KIAA1958: variants seen among roughly 807,000 people sequenced by gnomAD.
KIAA1958 encodes KIAA1958.
In KIAA1958, 14 loss-of-function variants were observed where a neutral mutation model predicts 47.2. The ratio of observed to expected loss-of-function variants is 0.30; its 90% CI spans 0.20 to 0.46. KIAA1958 has a LOEUF of 0.46. Among genes scored for constraint, KIAA1958 ranks in the 20% least tolerant of loss-of-function variants. The pLI is 1.00. For synonymous variants in KIAA1958, 354 were observed against 353.3 expected (o/e 1.00, Z -0.02); for missense variants, 803 against 909.2 (o/e 0.88, Z 1.50).
intron 1 of KIAA1958, among the ~76,000 whole-genome samples, chr9:112,562,238 C>CTTAT (rs1353914926): frequency 6.6e-6 from 1 of 152,150 alleles, no homozygotes; most frequent in Non-Finnish European, 1.5e-5. Context: ...ATTTTTTTCA[C>CTTAT]ATTTTATAGA....
chr9:112,488,395 A>G (rs1833907226), intron 1 of KIAA1958, among the ~76,000 whole-genome samples: 1 of 152,226 alleles, frequency 6.6e-6, no homozygotes, highest in Admixed American at 6.5e-5. Flanking sequence ...TATTGTAGAT[A>G]CTCAAATAAT....
chr9:112,496,186 G>A lies in KIAA1958; in HGVS notation c.-25+9068G>A, dbSNP rs1834048859. On this transcript the variant is annotated intron_variant, in intron 1 of 3. Coordinates refer to ENST00000337530, the MANE Select transcript of KIAA1958 (RefSeq NM_133465.4). ...CAGCAATATTAAACTGACTCAGATTGAATAAATACATCATGGTATATTTAC... is the reference window on the plus strand; with the variant it reads ...CAGCAATATTAAACTGACTCAGATTAAATAAATACATCATGGTATATTTAC... Among the ~76,000 whole-genome samples, 6 of 152,166 alleles carry A rather than the reference G, an allele frequency of 3.9e-5. No individual in the cohort carries two copies. The South Asian group carries it at 1.2e-3, about 31-fold the overall frequency.
chr9:112,522,115 G>C (rs892902554), intron 1 of KIAA1958, among the ~76,000 whole-genome samples: 137 of 152,214 alleles, frequency 9.0e-4, no homozygotes, highest in African/African-American at 3.0e-3. Context: ...GGGATTACAG[G>C]CATGTGCCAC....
In KIAA1958 at chr9:112,618,241, A is replaced by G; in HGVS notation, c.1172-27409A>G. 6.4e-7 allele frequency: 1 copy of G among 1,550,738 alleles called. No individual in the cohort carries two copies. The highest frequency in any genetic ancestry group is 1.2e-5 in the South Asian group (1 of 84,062). ...GCTGTAAAGGAAAAGGAAATAAGCC[A>G]CACAAGTCCATGAAGCTCACCTTTG... On this transcript the variant is annotated intron_variant, in intron 2 of 3. Coordinates refer to ENST00000337530, the MANE Select transcript of KIAA1958 (RefSeq NM_133465.4). This position sits in a 1 kb window ranked among gnomAD's most constrained non-coding sequence, Gnocchi z 7.1.
At chr9:112,593,531 G>C (rs1835963097) in intron 2 of KIAA1958, among the ~76,000 whole-genome samples, 1 of 152,188 alleles carries the variant, frequency 6.6e-6, no homozygotes, top group African/African-American at 2.4e-5. Context: ...GTTTATGTCT[G>C]ACCAGGGATG....
intron 1 of KIAA1958, among the ~76,000 whole-genome samples, chr9:112,501,822 ACT>A: frequency 6.6e-6 from 1 of 152,160 alleles, no homozygotes; most frequent in South Asian, 2.1e-4. Context: ...ACTAAAAATC[ACT>A]CTTTCTTGAA....
intron 1 of KIAA1958, among the ~76,000 whole-genome samples, chr9:112,512,042 A>G (rs1326807027): frequency 6.6e-6 from 1 of 152,196 alleles, no homozygotes; most frequent in Non-Finnish European, 1.5e-5. Flanking sequence ...AAACCTTCCC[A>G]CAAAGGAAAC....
chr9:112,600,890 T>G (rs1230853333), intron 2 of KIAA1958, among the ~76,000 whole-genome samples: 2 of 152,216 alleles, frequency 1.3e-5, no homozygotes, highest in Non-Finnish European at 2.9e-5. Flanking sequence ...TACTTTCCTA[T>G]TGTATTTGAT....
intron 1 of KIAA1958, among the ~76,000 whole-genome samples, chr9:112,561,825 A>G (rs913353633): frequency 1.3e-5 from 2 of 152,238 alleles, no homozygotes; most frequent in African/African-American, 4.8e-5. Flanking sequence ...ATTGCACTGC[A>G]GCCTGGGCAA....
At chr9:112,537,206 A>C (rs1305118750) in intron 1 of KIAA1958, among the ~76,000 whole-genome samples, 1 of 151,908 alleles carries the variant, frequency 6.6e-6, no homozygotes, top group Non-Finnish European at 1.5e-5. Context: ...TCCAGGTTCA[A>C]GTGATTCTCC....
At chr9:112,488,216 G>A (rs1206913457) in intron 1 of KIAA1958, among the ~76,000 whole-genome samples, 1 of 152,090 alleles carries the variant, frequency 6.6e-6, no homozygotes, top group African/African-American at 2.4e-5. Context: ...TGTCAGAATT[G>A]AGTTTCCCCT....
chr9:112,654,025 A>G (rs79925594), intron 3 of KIAA1958, among the ~76,000 whole-genome samples: 12,958 of 152,258 alleles, frequency 0.085, 698 homozygotes, highest in Non-Finnish European at 0.12. Flanking sequence ...CCCAGATTCA[A>G]GGGGTGGGAA....
intron 1 of KIAA1958, among the ~76,000 whole-genome samples, chr9:112,564,009 C>G (rs1835382562): frequency 6.6e-6 from 1 of 152,036 alleles, no homozygotes; most frequent in South Asian, 2.1e-4. Context: ...CTGTAGACTG[C>G]TACTATGTTG....
At chr9:112,530,064 C>T (rs569794446) in intron 1 of KIAA1958, among the ~76,000 whole-genome samples, 18 of 152,210 alleles carry the variant, frequency 1.2e-4, no homozygotes, top group Admixed American at 2.6e-4. Context: ...AGGATGGTCT[C>T]GATCTCCTGA....
intron 1 of KIAA1958, among the ~76,000 whole-genome samples, chr9:112,561,315 A>G (rs1835325621): frequency 6.6e-6 from 1 of 151,976 alleles, no homozygotes; most frequent in Non-Finnish European, 1.5e-5. Flanking sequence ...CGGCCTCCCA[A>G]AGTGCTGGGA....
intron 1 of KIAA1958, among the ~76,000 whole-genome samples, chr9:112,525,576 C>T (rs1834624646): frequency 6.6e-6 from 1 of 152,150 alleles, no homozygotes; most frequent in Non-Finnish European, 1.5e-5. Flanking sequence ...TGCCATTACT[C>T]CTGCTTTATC....
At chr9:112,625,807 T>A (rs1210508915) in intron 2 of KIAA1958, among the ~76,000 whole-genome samples, 1 of 152,240 alleles carries the variant, frequency 6.6e-6, no homozygotes, top group African/African-American at 2.4e-5. Context: ...TAGGAAAATC[T>A]GTAAATGTAA....
At chr9:112,518,881 C>G (rs1834487162) in intron 1 of KIAA1958, among the ~76,000 whole-genome samples, 1 of 151,384 alleles carries the variant, frequency 6.6e-6, no homozygotes, top group South Asian at 2.1e-4. Flanking sequence ...AAAAAAAAAG[C>G]TAACATTATT....
intron 1 of KIAA1958, among the ~76,000 whole-genome samples, chr9:112,573,527 A>G (rs555029811): frequency 6.6e-6 from 1 of 152,234 alleles, no homozygotes; most frequent in African/African-American, 2.4e-5. Context: ...TCTGGTGCCC[A>G]GTAGAGGACT....
Sources: gnomAD v4.1 joint callset for allele counts (sites outside exome capture counted in the v4.1 genomes callset) on GRCh38, gnomAD v4.1.1 for gene constraint, Gnocchi (gnomAD v3.1) non-coding constraint, MANE v1.5 for transcripts, NCBI Gene and HGNC (gene_info 2026-07-23, HGNC 2026-07-21) for gene names.